Variants in KCNQ5 observed in about 807,000 individuals in gnomAD.
The protein encoded by KCNQ5 is potassium voltage-gated channel subfamily KQT member 5.
Under a neutral mutation model 98.2 loss-of-function variants are expected in KCNQ5, and 30 were observed. The observed-to-expected ratio is 0.31, with a 90% CI of 0.23 to 0.41. The LOEUF is 0.41. Among genes scored for constraint, KCNQ5 ranks in the 10% least tolerant of loss-of-function variants. The probability of loss-of-function intolerance (pLI) is 1.00; values close to 1 mark genes in which losing one functional copy is unlikely to be tolerated. For synonymous variants in KCNQ5, 458 were observed against 449.4 expected, an observed-to-expected ratio of 1.02 and a Z score of -0.24; for missense variants, 835 against 1,182.5, an observed-to-expected ratio of 0.71 and a Z score of 4.31.
intron 7 of KCNQ5, among the ~76,000 whole-genome samples, chr6:73,115,915 C>T (rs976306943): frequency 2.6e-5 from 4 of 152,114 alleles, no homozygotes; most frequent in Non-Finnish European, 5.9e-5. Context: ...GCTATGCAGG[C>T]CTTGAGAACA....
chr6:72,633,556 A>G (rs2098922266), intron 1 of KCNQ5, among the ~76,000 whole-genome samples: 1 of 152,248 alleles, frequency 6.6e-6, no homozygotes, highest in Non-Finnish European at 1.5e-5. Context: ...TAACATTCAT[A>G]TGGAACCAAA....
chr6:73,031,798 T>C (rs1021642023), intron 2 of KCNQ5, among the ~76,000 whole-genome samples: 5 of 152,286 alleles, frequency 3.3e-5, no homozygotes, highest in African/African-American at 1.2e-4. Context: ...GAAGTCAACA[T>C]TGCAGAGAAG....
At chr6:73,051,377 T>TTGCTCTTGGCAC (rs1433822997) in intron 3 of KCNQ5, among the ~76,000 whole-genome samples, 1 of 152,186 alleles carries the variant, frequency 6.6e-6, no homozygotes, top group Non-Finnish European at 1.5e-5. Flanking sequence ...ACACTGCCAC[T>TTGCTCTTGGCAC]TGCTCTTGGC....
At chr6:72,652,281 C>T (rs1170539028) in intron 1 of KCNQ5, among the ~76,000 whole-genome samples, 1 of 151,404 alleles carries the variant, frequency 6.6e-6, no homozygotes, top group Non-Finnish European at 1.5e-5. Context: ...GCTTTCTAGC[C>T]TGTGTCTTTT....
intron 3 of KCNQ5, among the ~76,000 whole-genome samples, chr6:73,058,272 C>T (rs769580207): frequency 6.6e-5 from 10 of 152,118 alleles, no homozygotes; most frequent in East Asian, 3.9e-4. Flanking sequence ...ATTAGCTGGG[C>T]GAGGTGGCGG....
chr6:73,178,592 C>T (rs78910473), intron 11 of KCNQ5, among the ~76,000 whole-genome samples: 3,703 of 151,764 alleles, frequency 0.024, 64 homozygotes, highest in Non-Finnish European at 0.036. Context: ...CTGCTTGCCC[C>T]TACAGTGAGA....
chr6:72,739,537 A>G (rs1771023853), intron 1 of KCNQ5, among the ~76,000 whole-genome samples: 1 of 152,080 alleles, frequency 6.6e-6, no homozygotes, highest in Admixed American at 6.6e-5. Flanking sequence ...CATAACAGAA[A>G]CTCTGAGCCT....
intron 1 of KCNQ5, among the ~76,000 whole-genome samples, chr6:72,997,619 C>CAA (rs35188576): frequency 1.0e-4 from 13 of 126,350 alleles, no homozygotes; most frequent in African/African-American, 3.2e-4. Context: ...ACTAAAAATA[C>CAA]AAAAAAAAAA....
chr6:72,831,755 CAG>C (rs1056511375), intron 1 of KCNQ5, among the ~76,000 whole-genome samples: 7 of 135,828 alleles, frequency 5.2e-5, no homozygotes, highest in Admixed American at 2.1e-4. Context: ...ATAAAATTAA[CAG>C]AAAAAAAAAG....
intron 10 of KCNQ5, chr6:73,158,196 G>A: frequency 3.6e-6 from 1 of 276,870 alleles, no homozygotes. Context: ...GCACGGCGGC[G>A]GCGCCGGCCC....
At chr6:73,138,453 T>G (rs553059643) in intron 10 of KCNQ5, among the ~76,000 whole-genome samples, 1 of 152,136 alleles carries the variant, frequency 6.6e-6, no homozygotes, top group Non-Finnish European at 1.5e-5. Flanking sequence ...ACCTGGACAG[T>G]GAAGGAGAAG....
At chr6:72,984,356 T>G (rs1419340247) in intron 1 of KCNQ5, among the ~76,000 whole-genome samples, 1 of 152,218 alleles carries the variant, frequency 6.6e-6, no homozygotes, top group Admixed American at 6.5e-5. Flanking sequence ...TTGAGCTGCG[T>G]GGGCTCCACC....
chr6:72,987,316 A>C (rs1052749667), intron 1 of KCNQ5: 6 of 702,912 alleles, frequency 8.5e-6, no homozygotes, highest in African/African-American at 8.5e-5. Context: ...GGCAACATGG[A>C]CGAGGCGCAC....
intron 2 of KCNQ5, among the ~76,000 whole-genome samples, chr6:73,014,616 C>A (rs1770233025): frequency 6.6e-6 from 1 of 152,052 alleles, no homozygotes; most frequent in Non-Finnish European, 1.5e-5. Context: ...TGTTTCCCTG[C>A]ACAGTGACTC....
chr6:72,890,086 AG>A (rs1246743722), intron 1 of KCNQ5, among the ~76,000 whole-genome samples: 3 of 152,208 alleles, frequency 2.0e-5, no homozygotes, highest in Non-Finnish European at 4.4e-5. Flanking sequence ...GCTTTGAAGC[AG>A]GGTTGTTTGT....
At chr6:72,881,991 G>A (rs1340204097) in intron 1 of KCNQ5, among the ~76,000 whole-genome samples, 1 of 152,216 alleles carries the variant, frequency 6.6e-6, no homozygotes, top group Middle Eastern at 3.4e-3. Flanking sequence ...ACACCCGGCT[G>A]TATGTAGATT....
At chr6:72,902,264 G>T (rs1779535748) in intron 1 of KCNQ5, among the ~76,000 whole-genome samples, 1 of 152,152 alleles carries the variant, frequency 6.6e-6, no homozygotes, top group African/African-American at 2.4e-5. Flanking sequence ...GGTTCTCAAG[G>T]TAAACAATCA....
chr6:72,886,469 T>G (rs1454848982), intron 1 of KCNQ5, among the ~76,000 whole-genome samples: 1 of 152,064 alleles, frequency 6.6e-6, no homozygotes, highest in African/African-American at 2.4e-5. Flanking sequence ...AAAGGTACAT[T>G]TAATCAGAAT....
At chr6:72,930,003 T>C (rs1765617681) in intron 1 of KCNQ5, among the ~76,000 whole-genome samples, 1 of 152,158 alleles carries the variant, frequency 6.6e-6, no homozygotes, top group Non-Finnish European at 1.5e-5. Context: ...TCATTCCTAG[T>C]AACTGGTAAC....
Sources: gnomAD v4.1 joint callset for allele counts (sites outside exome capture counted in the v4.1 genomes callset) on GRCh38, gnomAD v4.1.1 for gene constraint, MANE v1.5 for transcripts, NCBI Gene and HGNC (gene_info 2026-07-23, HGNC 2026-07-21) for gene names.